SCIN: variants seen among roughly 807,000 people sequenced by gnomAD.
SCIN encodes scinderin, also known as adseverin.
A neutral mutation model predicts 91.8 loss-of-function variants in SCIN; 91 were observed. The ratio of observed to expected loss-of-function variants is 0.99; its 90% CI spans 0.84 to 1.18. The LOEUF is 1.18. Among genes scored for constraint, SCIN ranks in the 50% most tolerant of loss-of-function variants. The pLI is 0.00. For synonymous variants in SCIN, 367 were observed against 312.6 expected (o/e 1.17, Z -1.84); for missense variants, 1,087 against 863.9 (o/e 1.26, Z -3.24).
At position 12,571,026 on chromosome 7, in the gene SCIN, C is replaced by T. The variant is rs74532140; in HGVS notation, c.199+41C>T. 6,350 of 1,527,486 alleles carry T rather than the reference C, an allele frequency of 4.2e-3. 76 individuals carry two copies. Among genetic ancestry groups the T allele is most frequent in the African/African-American group, 0.028 (2,042 of 72,618 alleles). 94.6% of individuals were successfully genotyped at this position (1,527,486 alleles called of 1,614,324 possible). A position where few individuals can be genotyped will look rare whatever the true frequency, so the allele number is the denominator to read the frequency against. ...CGGCGGGACCCCGACGCACCAAGGC[C>T]GGCGAGGGGAGGGCGTAGGGGTCTG... On this transcript the variant is annotated intron_variant, in intron 1 of 15. Transcript: ENST00000297029.
intron 6 of SCIN, among the ~76,000 whole-genome samples, chr7:12,625,530 C>T (rs770838974): frequency 2.0e-5 from 3 of 150,102 alleles, no homozygotes; most frequent in Non-Finnish European, 4.4e-5. Flanking sequence ...GGGCTTTCAC[C>T]GTGTTAGCCA....
At chr7:12,612,528 A>T (rs890366312) in intron 4 of SCIN, among the ~76,000 whole-genome samples, 1 of 151,788 alleles carries the variant, frequency 6.6e-6, no homozygotes, top group East Asian at 1.9e-4. Context: ...TACTTAGTAC[A>T]CTCCTGAAAT....
rs57131728 is a variant in SCIN at position 12,657,211 on chromosome 7, A to ATTTTTTTTTTTTTTTTTTTTTTTTTTT, written c.*4521_*4522insTTTTTTTTTTTTTTTTTTTTTTTTTTT. ...TGTGTGTACTAAAGGATATAATATG[A>ATTTTTTTTTTTTTTTTTTTTTTTTTTT]TTTTTTTTTTTTTTTTTTTTTTTTT... On this transcript the variant is annotated 3_prime_UTR_variant, in exon 16 of 16. Coordinates refer to ENST00000297029, the MANE Select transcript of SCIN (RefSeq NM_001112706.3). 1 of 82,544 alleles carries ATTTTTTTTTTTTTTTTTTTTTTTTTTT rather than the reference A, an allele frequency of 1.2e-5. No homozygotes were observed. 5.1% of individuals were successfully genotyped at this position (82,544 alleles called of 1,614,324 possible).
At chr7:12,612,839 A>G (rs1489714337) in intron 4 of SCIN, among the ~76,000 whole-genome samples, 1 of 152,206 alleles carries the variant, frequency 6.6e-6, no homozygotes, top group Non-Finnish European at 1.5e-5. Flanking sequence ...CAAGAAAGTG[A>G]TAACATTTCA....
chr7:12,649,987 C>T (rs1276281232), intron 14 of SCIN, among the ~76,000 whole-genome samples: 1 of 152,162 alleles, frequency 6.6e-6, no homozygotes, highest in Non-Finnish European at 1.5e-5. Context: ...TTTGAATCTA[C>T]ACAGTAAAAT....
At chr7:12,650,756 A>T (rs1290871104) in intron 14 of SCIN, among the ~76,000 whole-genome samples, 1 of 152,184 alleles carries the variant, frequency 6.6e-6, no homozygotes, top group East Asian at 1.9e-4. Flanking sequence ...TTTTTAAAAA[A>T]CACATTGCTA....
chr7:12,639,933 G>A (rs138092405), intron 10 of SCIN, among the ~76,000 whole-genome samples: 5 of 152,156 alleles, frequency 3.3e-5, no homozygotes, highest in African/African-American at 1.2e-4. Flanking sequence ...TCCAAAACAC[G>A]TGAGATTCTA....
chr7:12,579,982 G>A (rs192993818), intron 2 of SCIN, among the ~76,000 whole-genome samples: 29 of 152,224 alleles, frequency 1.9e-4, no homozygotes, highest in African/African-American at 6.0e-4. Context: ...ATTCAACCAA[G>A]AAATGTAGCA....
At chr7:12,627,091 T>TATAC (rs1554295645) in intron 8 of SCIN, among the ~76,000 whole-genome samples, 1 of 149,146 alleles carries the variant, frequency 6.7e-6, no homozygotes, top group East Asian at 2.0e-4. Context: ...AATGTGTGTA[T>TATAC]ACACACACAC....
Position 12,658,251 on chromosome 7 carries a change from T to G in SCIN, c.*5536T>G, listed in dbSNP as rs183982248. 1 of 152,320 alleles carries G rather than the reference T, an allele frequency of 6.6e-6. No homozygotes were observed. Among genetic ancestry groups the G allele is most frequent in the Admixed American group, 6.5e-5 (1 of 15,298 alleles). 9.4% of individuals were successfully genotyped at this position (152,320 alleles called of 1,614,324 possible). On this transcript the variant is annotated 3_prime_UTR_variant, in exon 16 of 16. Transcript: ENST00000297029. ...TGACATTGTCATTAGCTTGTGATCC[T>G]TAGATGGAATATATTTTGCCAGATC...
chr7:12,595,037 G>A (rs1782811057), intron 3 of SCIN, among the ~76,000 whole-genome samples: 1 of 151,464 alleles, frequency 6.6e-6, no homozygotes, highest in African/African-American at 2.4e-5. Flanking sequence ...GGGATGATAG[G>A]AGAGAGAGAG....
rs1784153816 is a variant in SCIN at position 12,655,751 on chromosome 7, T to C, written c.*3036T>C. 6.6e-6 allele frequency: 1 copy of C among 152,202 alleles called. No individual in the cohort carries two copies. Among genetic ancestry groups the C allele is most frequent in the Non-Finnish European group, 1.5e-5 (1 of 68,034 alleles). 9.4% of individuals were successfully genotyped at this position (152,202 alleles called of 1,614,324 possible). On this transcript the variant is annotated 3_prime_UTR_variant, in exon 16 of 16. Transcript: ENST00000297029. ...TATTTGCCAAACGTATGTACTAATC[T>C]AAAACCAAACACATTAGACTAGGTA...
chr7:12,591,004 A>G (rs971439898), intron 3 of SCIN, among the ~76,000 whole-genome samples: 10 of 152,140 alleles, frequency 6.6e-5, no homozygotes, highest in Non-Finnish European at 1.2e-4. Flanking sequence ...TACTTGGTCA[A>G]GGGAAACAAC....
intron 3 of SCIN, among the ~76,000 whole-genome samples, chr7:12,599,771 G>A (rs1027850241): frequency 3.9e-5 from 6 of 152,032 alleles, no homozygotes; most frequent in South Asian, 2.1e-4. Flanking sequence ...CTGATGATTA[G>A]TGAAGTTGAG....
At chr7:12,642,255 A>G (rs1037612814) in intron 11 of SCIN, among the ~76,000 whole-genome samples, 53 of 152,078 alleles carry the variant, frequency 3.5e-4, no homozygotes, top group African/African-American at 1.3e-3. Context: ...TTGCTTTCCT[A>G]AGGAATCTCC....
chr7:12,579,890 G>A (rs1386134835), intron 2 of SCIN, among the ~76,000 whole-genome samples: 2 of 152,116 alleles, frequency 1.3e-5, no homozygotes, highest in African/African-American at 4.8e-5. Flanking sequence ...CTCCAGCCTG[G>A]GAGACATGAG....
rs902573950 is a variant in SCIN at position 12,650,785 on chromosome 7, T to C, written c.1960-1056T>C. On this transcript the variant is annotated intron_variant, in intron 14 of 15. Transcript: ENST00000297029. The stretch of plus-strand genomic sequence containing the variant: ...ATTGCTATTTAAATACTAAACATTA[T>C]AGCATTTGTACCAACATCTTATAGG... Among the ~76,000 whole-genome samples the C allele has an allele frequency of 5.9e-5, 9 of 152,158 alleles. No homozygotes were observed. In the South Asian group the frequency reaches 8.3e-4, roughly 14 times the overall value.
intron 9 of SCIN, among the ~76,000 whole-genome samples, chr7:12,632,017 A>T (rs948087001): frequency 2.6e-5 from 4 of 152,194 alleles, no homozygotes; most frequent in Admixed American, 2.6e-4. Context: ...GAAGAGGACA[A>T]ACTTTATTTT....
chr7:12,646,961 C>G (rs967776713), intron 13 of SCIN, among the ~76,000 whole-genome samples: 3 of 152,122 alleles, frequency 2.0e-5, no homozygotes, highest in African/African-American at 7.2e-5. Flanking sequence ...CAGGAAATCC[C>G]TGAACTTGCT....
Sources: gnomAD v4.1 joint callset for allele counts (sites outside exome capture counted in the v4.1 genomes callset) on GRCh38, gnomAD v4.1.1 for gene constraint, MANE v1.5 for transcripts, NCBI Gene and HGNC (gene_info 2026-07-23, HGNC 2026-07-21) for gene names.